Variants in STPG2 observed in about 807,000 individuals in gnomAD.
STPG2 encodes the protein sperm-tail PG-rich repeat-containing protein 2.
In STPG2, 56 loss-of-function variants were observed where a neutral mutation model predicts 54.2. The observed-to-expected ratio is 1.03, with a 90% confidence interval of 0.83 to 1.29. The LOEUF (loss-of-function observed/expected upper bound fraction) is 1.29. Ranked by LOEUF, STPG2 falls within the 50% of genes most tolerant of loss-of-function variation. The pLI, the probability that STPG2 is intolerant of heterozygous loss-of-function variation, is 0.00. For missense variants in STPG2, 596 were observed against 544.9 expected, an observed-to-expected ratio of 1.09 and a Z score of -0.93; for synonymous variants, 200 against 181.8, an observed-to-expected ratio of 1.10 and a Z score of -0.81.
At position 97,512,092 on chromosome 4, in the gene STPG2, A is replaced by G. The variant is rs553308706; in HGVS notation, c.462+200607T>C. ...AAGAAGTTAACAAGTCATATAAGAA[A>G]ATTGGACTTGCACTTTGAAAGTTTC... On this transcript the variant is annotated intron_variant, in intron 4 of 4. Transcript: ENST00000522676. 1.3e-3 allele frequency among the ~76,000 whole-genome samples: 205 copies of G among 152,168 alleles called. 2 individuals carry two copies. Among genetic ancestry groups the G allele is most frequent in the African/African-American group, 4.6e-3 (190 of 41,544 alleles).
At chr4:97,924,176 A>G (rs1403114997) in intron 8 of STPG2, among the ~76,000 whole-genome samples, 3 of 152,194 alleles carry the variant, frequency 2.0e-5, no homozygotes, top group Non-Finnish European at 4.4e-5. Context: ...AACCCTGAAC[A>G]CATCCGAACA....
intron 8 of STPG2, among the ~76,000 whole-genome samples, chr4:97,919,185 T>G (rs996920897): frequency 1.3e-5 from 2 of 151,976 alleles, no homozygotes; most frequent in Non-Finnish European, 2.9e-5. Flanking sequence ...TTTGTAGAAT[T>G]CAGCTAATGT....
intron 9 of STPG2, among the ~76,000 whole-genome samples, chr4:97,813,344 C>A (rs894566776): frequency 6.6e-5 from 10 of 152,112 alleles, no homozygotes; most frequent in African/African-American, 1.7e-4. Context: ...ATGCAATTAA[C>A]CTGTGTAACA....
At chr4:97,960,676 C>T (rs968403615) in intron 7 of STPG2, among the ~76,000 whole-genome samples, 2 of 152,060 alleles carry the variant, frequency 1.3e-5, no homozygotes, top group African/African-American at 4.8e-5. Context: ...AACTACAAAA[C>T]ACTGCTGAAA....
chr4:98,050,620 A>T (rs1186216572), intron 5 of STPG2, among the ~76,000 whole-genome samples: 3 of 152,184 alleles, frequency 2.0e-5, no homozygotes, highest in Non-Finnish European at 4.4e-5. Flanking sequence ...ACAAAAGCTC[A>T]TCTCTAAGGT....
intron 10 of STPG2, among the ~76,000 whole-genome samples, chr4:97,599,331 T>C (rs1560679211): frequency 1.3e-5 from 2 of 152,234 alleles, no homozygotes; most frequent in Non-Finnish European, 2.9e-5. Flanking sequence ...TGGAAAGCAG[T>C]GTTTTGTGAT....
At chr4:97,679,667 T>C (rs1231072245) in intron 10 of STPG2, among the ~76,000 whole-genome samples, 2 of 152,198 alleles carry the variant, frequency 1.3e-5, no homozygotes, top group Non-Finnish European at 2.9e-5. Flanking sequence ...TTTGTTGCCA[T>C]TGCTTTTGGT....
chr4:97,742,106 T>C (rs542081134), intron 9 of STPG2, among the ~76,000 whole-genome samples: 1,888 of 151,462 alleles, frequency 0.012, 34 homozygotes, highest in African/African-American at 0.044. Context: ...CAGTAAACTA[T>C]CGCAAGAAAA....
At chr4:98,089,864 C>G (rs143815149) in intron 5 of STPG2, among the ~76,000 whole-genome samples, 237 of 151,996 alleles carry the variant, frequency 1.6e-3, no homozygotes, top group Non-Finnish European at 3.1e-3. Context: ...TAAATTTCTA[C>G]TTATGTCCTT....
At chr4:97,567,211 T>TAC (rs34172060) in intron 10 of STPG2, among the ~76,000 whole-genome samples, 28,257 of 145,102 alleles carry the variant, frequency 0.19, 2,975 homozygotes, top group Middle Eastern at 0.29. Flanking sequence ...CACACACACA[T>TAC]ACACACACAC....
chr4:97,780,426 T>C (rs1286407535), intron 9 of STPG2, among the ~76,000 whole-genome samples: 1 of 29,724 alleles, frequency 3.4e-5, no homozygotes, highest in Non-Finnish European at 6.6e-5. Context: ...CCCAGGTTCA[T>C]AAAGCAAGTC....
chr4:97,904,490 C>T (rs1731320783), intron 8 of STPG2, among the ~76,000 whole-genome samples: 1 of 152,142 alleles, frequency 6.6e-6, no homozygotes, highest in African/African-American at 2.4e-5. Context: ...TAGATAAAAC[C>T]ACAAAGATGG....
chr4:97,946,482 A>G (rs1281087057), intron 7 of STPG2, among the ~76,000 whole-genome samples: 2 of 152,112 alleles, frequency 1.3e-5, no homozygotes, highest in Non-Finnish European at 2.9e-5. Flanking sequence ...GCCAATGTCC[A>G]GAAGAGTTTT....
intron 8 of STPG2, among the ~76,000 whole-genome samples, chr4:97,892,666 G>C (rs1033723049): frequency 1.3e-5 from 2 of 152,184 alleles, no homozygotes; most frequent in Non-Finnish European, 2.9e-5. Flanking sequence ...AATTTCATAT[G>C]CTAATGATAC....
At chr4:97,630,462 C>A (rs1203588992) in intron 10 of STPG2, among the ~76,000 whole-genome samples, 1 of 151,778 alleles carries the variant, frequency 6.6e-6, no homozygotes, top group East Asian at 1.9e-4. Flanking sequence ...ATTCTGAAAA[C>A]TGACTCCACT....
chr4:97,728,596 C>T (rs1724691668), intron 9 of STPG2, among the ~76,000 whole-genome samples: 1 of 151,870 alleles, frequency 6.6e-6, no homozygotes, highest in Middle Eastern at 3.2e-3. Context: ...TAGGATCCAA[C>T]CTTGGTGAAA....
chr4:97,507,115 CAA>C (rs1730861334), intron 4 of STPG2, among the ~76,000 whole-genome samples: 1 of 151,596 alleles, frequency 6.6e-6, no homozygotes, highest in Non-Finnish European at 1.5e-5. Context: ...GACTTGAGCC[CAA>C]GAGTTTGAAG....
intron 7 of STPG2, among the ~76,000 whole-genome samples, chr4:97,971,656 C>T (rs756245969): frequency 2.6e-5 from 4 of 151,756 alleles, no homozygotes; most frequent in Non-Finnish European, 4.4e-5. Context: ...CGTGGGGTGG[C>T]GGGCTGGGGG....
At chr4:97,673,064 A>G (rs1047871848) in intron 10 of STPG2, among the ~76,000 whole-genome samples, 1 of 152,236 alleles carries the variant, frequency 6.6e-6, no homozygotes, top group African/African-American at 2.4e-5. Context: ...AAGTGAATGC[A>G]TTAGAAGCAT....
Sources: gnomAD v4.1 joint callset for allele counts (sites outside exome capture counted in the v4.1 genomes callset) on GRCh38, gnomAD v4.1.1 for gene constraint, MANE v1.5 for transcripts, NCBI Gene and HGNC (gene_info 2026-07-23, HGNC 2026-07-21) for gene names.